The following TLCD4 variants were observed in gnomAD, a reference collection of about 807,000 sequenced individuals.
TLCD4 encodes the protein TLC domain-containing protein 4.
TLCD4 carries 7 observed loss-of-function variants against 24.2 expected under a neutral mutation model. The ratio of observed to expected loss-of-function variants is 0.29; its 90% CI spans 0.16 to 0.54. The LOEUF is 0.54. TLCD4 is among the 20% of genes least tolerant of loss of function. The pLI, the probability that TLCD4 is intolerant of heterozygous loss-of-function variation, is 0.95. For synonymous variants in TLCD4, 103 were observed against 106.4 expected, an observed-to-expected ratio of 0.97 and a Z score of 0.20; for missense variants, 259 against 313.9, an observed-to-expected ratio of 0.82 and a Z score of 1.32.
chr1:95,176,897 C>CT (rs1017334320), intron 6 of TLCD4, among the ~76,000 whole-genome samples: 1 of 152,182 alleles, frequency 6.6e-6, no homozygotes, highest in African/African-American at 2.4e-5. Flanking sequence ...AAGAGACTAT[C>CT]TTTTCCCCAT....
At chr1:95,129,939 G>T (rs1676841503) in intron 1 of TLCD4, among the ~76,000 whole-genome samples, 1 of 152,118 alleles carries the variant, frequency 6.6e-6, no homozygotes, top group Non-Finnish European at 1.5e-5. Flanking sequence ...TTAACTTGAT[G>T]CTCAGAAAAG....
rs1436468235 is a variant in TLCD4, at chr1:95,194,001, C to T, written c.*2133C>T. The T allele has an allele frequency of 1.3e-5, 2 of 152,006 alleles. No homozygotes were observed. Among genetic ancestry groups the T allele is most frequent in the Non-Finnish European group, 2.9e-5 (2 of 67,934 alleles). 9.4% of individuals were successfully genotyped at this position (152,006 alleles called of 1,614,324 possible). ...CTCTGGATATTTCTATAGTTCTGAA[C>T]ACAGATTTTAAACCCACTATCAAAA... On this transcript the variant is annotated 3_prime_UTR_variant, in exon 7 of 7. Coordinates refer to ENST00000370203, the MANE Select transcript of TLCD4 (RefSeq NM_152487.3).
intron 6 of TLCD4, among the ~76,000 whole-genome samples, 166 bp from the exon 7 acceptor site, chr1:95,191,384 A>G (rs557422192): frequency 1.3e-5 from 2 of 152,306 alleles, no homozygotes; most frequent in South Asian, 2.1e-4. Flanking sequence ...AGTCTTGGAA[A>G]TGGGTAGTGT....
At chr1:95,184,813 A>G (rs1678773161) in intron 6 of TLCD4, among the ~76,000 whole-genome samples, 1 of 152,180 alleles carries the variant, frequency 6.6e-6, no homozygotes, top group South Asian at 2.1e-4. Flanking sequence ...TAATTAGGTA[A>G]GAAGAGGTGG....
At chr1:95,152,936 T>C (rs929682043) in intron 5 of TLCD4, among the ~76,000 whole-genome samples, 8 of 152,166 alleles carry the variant, frequency 5.3e-5, no homozygotes, top group African/African-American at 1.9e-4. Flanking sequence ...GTGTATGTGT[T>C]CCTTGTGAAT....
chr1:95,098,896 C>G, the TLCD4 span, among the ~76,000 whole-genome samples: 1 of 151,622 alleles, frequency 6.6e-6, no homozygotes, highest in Non-Finnish European at 1.5e-5. Context: ...GAAACCCGGT[C>G]TCTCTAAATA....
the TLCD4 span, among the ~76,000 whole-genome samples, chr1:95,103,101 C>T: frequency 6.6e-6 from 1 of 152,118 alleles, no homozygotes; most frequent in Non-Finnish European, 1.5e-5. Flanking sequence ...GCCTCAGCCT[C>T]CTGAGTAGCT....
At position 95,154,612 on chromosome 1, in the gene TLCD4, T is replaced by C. The variant is rs551303956; in HGVS notation, c.399+3193T>C. Among the ~76,000 whole-genome samples the C allele has an allele frequency of 2.0e-5, 3 of 152,168 alleles. No homozygotes were observed. The East Asian group carries it at 5.8e-4, about 30-fold the overall frequency. ...TGATGGTCTCTATCTTTGTAACATT[T>C]AGTAGAGCTTAATGCTAGGTAGGAA... On this transcript the variant is annotated intron_variant, in intron 5 of 6. Coordinates refer to ENST00000370203, the MANE Select transcript of TLCD4 (RefSeq NM_152487.3).
At chr1:95,187,720 T>C (rs757241893) in intron 6 of TLCD4, among the ~76,000 whole-genome samples, 4 of 152,160 alleles carry the variant, frequency 2.6e-5, no homozygotes, top group Non-Finnish European at 5.9e-5. Context: ...CTGTACACTT[T>C]GGAAGGAAGT....
intron 6 of TLCD4, among the ~76,000 whole-genome samples, chr1:95,174,507 CAAA>C (rs141819142): frequency 4.7e-5 from 4 of 85,856 alleles, no homozygotes; most frequent in South Asian, 3.6e-4. Flanking sequence ...CCCATCCCTA[CAAA>C]AAAAAAAAAA....
In TLCD4 at chr1:95,165,484, A is replaced by G. The variant is rs139101530; in HGVS notation, c.400-8332A>G. Among the ~76,000 whole-genome samples the G allele has an allele frequency of 2.0e-4, 28 of 140,348 alleles. No homozygotes were observed. In the East Asian group the frequency reaches 5.1e-3, roughly 26 times the overall value. 92.1% of individuals were successfully genotyped at this position (140,348 alleles called of 152,430 possible). On this transcript the variant is annotated intron_variant, in intron 5 of 6. Transcript: ENST00000370203. ...GTGTGTGTGTTTTTTTTTTTTTTTC[A>G]GACAAAGTCTCGCTCTTGTCCCCCA...
rs1679189078 is a variant in TLCD4 at position 95,195,882 on chromosome 1, C to T, written c.*4014C>T. The T allele has an allele frequency of 6.6e-6, 1 of 152,160 alleles. No individual in the cohort carries two copies. Among genetic ancestry groups the T allele is most frequent in the African/African-American group, 2.4e-5 (1 of 41,440 alleles). 9.4% of individuals were successfully genotyped at this position (152,160 alleles called of 1,614,324 possible). ...CCTTCCATCTCTTCCTCCTGGTACA[C>T]CAGATGACTTCATCAGCATCTCCCT... On this transcript the variant is annotated 3_prime_UTR_variant, in exon 7 of 7. Transcript: ENST00000370203.
chr1:95,134,965 G>GT (rs1185965077), intron 1 of TLCD4, among the ~76,000 whole-genome samples: 1 of 152,156 alleles, frequency 6.6e-6, no homozygotes, highest in Admixed American at 6.5e-5. Context: ...GGAAACTGAG[G>GT]TTCTGTTAAG....
At chr1:95,182,092 A>G (rs751613961) in intron 6 of TLCD4, among the ~76,000 whole-genome samples, 37 of 152,238 alleles carry the variant, frequency 2.4e-4, no homozygotes, top group Non-Finnish European at 4.6e-4. Context: ...GAGGCTGTCA[A>G]GCTCACAGTT....
intron 5 of TLCD4, among the ~76,000 whole-genome samples, chr1:95,160,091 T>A (rs1330550165): frequency 6.6e-6 from 1 of 152,220 alleles, no homozygotes; most frequent in East Asian, 1.9e-4. Context: ...ATAAATTACC[T>A]TGGGCAGCAT....
chr1:95,161,569 T>C (rs199562072), intron 5 of TLCD4, among the ~76,000 whole-genome samples: 16 of 152,264 alleles, frequency 1.1e-4, no homozygotes, highest in South Asian at 2.1e-4. Flanking sequence ...GCTCTTGCTT[T>C]TCTAGTTCTT....
chr1:95,099,600 A>G, the TLCD4 span, among the ~76,000 whole-genome samples: 16 of 152,322 alleles, frequency 1.1e-4, no homozygotes, highest in East Asian at 3.1e-3. Flanking sequence ...TAGGTATTTA[A>G]TATACTTTGA....
chr1:95,130,938 T>G (rs986686562), intron 1 of TLCD4, among the ~76,000 whole-genome samples: 1 of 152,192 alleles, frequency 6.6e-6, no homozygotes, highest in African/African-American at 2.4e-5. Context: ...GGTAATACTA[T>G]GGTTGTCAGT....
In TLCD4 at chr1:95,194,150, C is replaced by T. The variant is rs1054369657; in HGVS notation, c.*2282C>T. 1 of 152,084 alleles carries T rather than the reference C, an allele frequency of 6.6e-6. No homozygotes were observed. Among genetic ancestry groups the T allele is most frequent in the Non-Finnish European group, 1.5e-5 (1 of 67,964 alleles). The allele number at this position is 152,084 out of a possible 1,614,324, so 9.4% of individuals were successfully genotyped here. On this transcript the variant is annotated 3_prime_UTR_variant, in exon 7 of 7. Coordinates refer to ENST00000370203, the MANE Select transcript of TLCD4 (RefSeq NM_152487.3). ...GTTACCCTTCACTGGTATAGCCACT[C>T]ACTAAATAAGTATATTTAAAACATC...
Sources: allele counts gnomAD v4.1 joint callset (sites outside exome capture counted in the v4.1 genomes callset), GRCh38; gene constraint gnomAD v4.1.1; transcripts MANE v1.5; gene names NCBI Gene and HGNC (gene_info 2026-07-23, HGNC 2026-07-21).